ALDH1L1: variants seen among roughly 807,000 people sequenced by gnomAD.
ALDH1L1 encodes the protein cytosolic 10-formyltetrahydrofolate dehydrogenase.
Under a neutral mutation model 101.1 loss-of-function variants are expected in ALDH1L1, and 68 were observed. That is an observed-to-expected ratio of 0.67 (90% CI 0.55 to 0.82). The LOEUF is 0.82. Ranked by LOEUF, ALDH1L1 falls within the 40% of genes least tolerant of loss-of-function variation. The pLI is 0.00. For synonymous variants in ALDH1L1, 486 were observed against 470.8 expected (o/e 1.03, Z -0.42); for missense variants, 1,087 against 1,172.7 (o/e 0.93, Z 1.07).
chr3:126,154,828 A>T (rs1227892796), intron 5 of ALDH1L1, among the ~76,000 whole-genome samples, 185 bp from the exon 6 acceptor site: 1 of 152,120 alleles, frequency 6.6e-6, no homozygotes, highest in Non-Finnish European at 1.5e-5. Flanking sequence ...TCAGTCTCTC[A>T]TGGGCTGAGC....
At chr3:126,111,884 C>T (rs569326631) in intron 19 of ALDH1L1, among the ~76,000 whole-genome samples, 14 of 152,186 alleles carry the variant, frequency 9.2e-5, no homozygotes, top group South Asian at 2.1e-4. Flanking sequence ...TTGCTCCCCC[C>T]CTGGTATCAT....
At chr3:126,131,251 C>G in intron 13 of ALDH1L1, 133 bp downstream of exon 13, 2 of 1,170,322 alleles carry the variant, frequency 1.7e-6, no homozygotes. Flanking sequence ...AGCTAATAAA[C>G]AGGTGTCATT....
chr3:126,127,313 C>G (rs1339707323), intron 14 of ALDH1L1, among the ~76,000 whole-genome samples: 3 of 152,180 alleles, frequency 2.0e-5, no homozygotes, highest in African/African-American at 7.2e-5. Flanking sequence ...TTTCATTAGC[C>G]TTGCTGCCTC....
chr3:126,174,941 C>A (rs1330569054), intron 1 of ALDH1L1, among the ~76,000 whole-genome samples: 1 of 151,980 alleles, frequency 6.6e-6, no homozygotes, highest in East Asian at 1.9e-4. Flanking sequence ...TAGAGAAAAT[C>A]AACAAAACCT....
At chr3:126,157,031 T>C (rs1489745288) in intron 4 of ALDH1L1, among the ~76,000 whole-genome samples, 1 of 152,198 alleles carries the variant, frequency 6.6e-6, no homozygotes, top group Admixed American at 6.5e-5. Flanking sequence ...TTGAAGCTCC[T>C]GGATTCAGCA....
chr3:126,161,254 A>T (rs1485408773), intron 1 of ALDH1L1, among the ~76,000 whole-genome samples: 1 of 152,258 alleles, frequency 6.6e-6, no homozygotes, highest in African/African-American at 2.4e-5. Flanking sequence ...AATGGATTGT[A>T]GAATTAGGGG....
chr3:126,114,473 T>C, intron 18 of ALDH1L1, 84 bp downstream of exon 18: 1 of 1,116,366 alleles, frequency 9.0e-7, no homozygotes, highest in Non-Finnish European at 1.2e-6. Context: ...TGAGTGTGGC[T>C]GTGGAATCAG....
intron 1 of ALDH1L1, among the ~76,000 whole-genome samples, chr3:126,167,382 T>C (rs1034295911): frequency 7.2e-5 from 11 of 152,220 alleles, no homozygotes; most frequent in Non-Finnish European, 1.6e-4. Flanking sequence ...ATAATTCTCA[T>C]GCTGAAGCTC....
Position 126,124,460 on chromosome 3 carries a change from G to A in ALDH1L1, c.1801-9C>T, listed in dbSNP as rs370980781. On this transcript the variant is annotated splice_polypyrimidine_tract_variant and intron_variant, in intron 15 of 22. Coordinates refer to ENST00000393434, the MANE Select transcript of ALDH1L1 (RefSeq NM_012190.4). The stretch of plus-strand genomic sequence containing the variant: ...GCTGTGAGTGGGGTCACCTGGGTGT[G>A]GGGCCAGGAAAGGAGACTGGGTAAG... 123 of 1,608,136 alleles carry A rather than the reference G, an allele frequency of 7.6e-5. No homozygotes were observed. Among genetic ancestry groups the A allele is most frequent in the Non-Finnish European group, 9.9e-5 (117 of 1,177,254 alleles).
chr3:126,158,044 A>T (rs915001314), intron 3 of ALDH1L1, among the ~76,000 whole-genome samples: 16 of 151,968 alleles, frequency 1.1e-4, no homozygotes, highest in Non-Finnish European at 4.4e-5. Flanking sequence ...TAGGACCCCC[A>T]GCCCACCGCC....
chr3:126,162,645 T>G (rs754271718), intron 1 of ALDH1L1, among the ~76,000 whole-genome samples: 17 of 152,194 alleles, frequency 1.1e-4, no homozygotes, highest in Non-Finnish European at 2.5e-4. Context: ...TGGCTTGCCT[T>G]TTTCATCCTC....
chr3:126,114,094 T>G (rs140686009), intron 18 of ALDH1L1, among the ~76,000 whole-genome samples: 1 of 152,336 alleles, frequency 6.6e-6, no homozygotes, highest in East Asian at 1.9e-4. Flanking sequence ...TTTGCTCTTT[T>G]ATTTTAAAAA....
At chr3:126,131,645 GC>G in intron 12 of ALDH1L1, 111 bp from the exon 13 acceptor site, 1 of 1,269,926 alleles carries the variant, frequency 7.9e-7, no homozygotes, top group Non-Finnish European at 1.1e-6. Flanking sequence ...CCCCAGTTCT[GC>G]CACTCTCAGA....
intron 1 of ALDH1L1, among the ~76,000 whole-genome samples, chr3:126,187,937 T>C (rs116189038): frequency 3.1e-3 from 478 of 152,006 alleles, no homozygotes; most frequent in African/African-American, 0.011. Flanking sequence ...CAGAGTTTAT[T>C]TGAGAAGAAA....
At chr3:126,135,999 G>A (rs1257047202) in intron 11 of ALDH1L1, among the ~76,000 whole-genome samples, 1 of 152,158 alleles carries the variant, frequency 6.6e-6, no homozygotes, top group African/African-American at 2.4e-5. Flanking sequence ...CCCAGGGAGG[G>A]CAAAGCCAGT....
chr3:126,112,996 ATCTCCTCC>A (rs1289240980), intron 18 of ALDH1L1, 116 bp from the exon 19 acceptor site: 1 of 845,020 alleles, frequency 1.2e-6, no homozygotes, highest in African/African-American at 1.7e-5. Context: ...ATGTGTCCTG[ATCTCCTCC>A]TGTGGGCCCC....
At chr3:126,132,189 G>A (rs2080324774) in intron 12 of ALDH1L1, among the ~76,000 whole-genome samples, 5 of 152,236 alleles carry the variant, frequency 3.3e-5, no homozygotes, top group Admixed American at 3.3e-4. Context: ...TCCCCTAGGG[G>A]GAGGGTGGAC....
chr3:126,150,772 C>T, intron 7 of ALDH1L1: 1 of 373,544 alleles, frequency 2.7e-6, no homozygotes, highest in African/African-American at 2.1e-5. Context: ...ATTGGTCAGG[C>T]TGGTCTCGAA....
intron 9 of ALDH1L1, among the ~76,000 whole-genome samples, chr3:126,139,113 G>C (rs985090496): frequency 6.6e-6 from 1 of 152,272 alleles, no homozygotes; most frequent in African/African-American, 2.4e-5. Context: ...CTGACCACCA[G>C]CATTGTGTCC....
Sources: gnomAD v4.1 joint callset for allele counts (sites outside exome capture counted in the v4.1 genomes callset) on GRCh38, gnomAD v4.1.1 for gene constraint, MANE v1.5 for transcripts, NCBI Gene and HGNC (gene_info 2026-07-23, HGNC 2026-07-21) for gene names.